Variants in MYOF observed in about 807,000 individuals in gnomAD.
MYOF encodes myoferlin.
MYOF carries 244 observed loss-of-function variants against 284.2 expected under a neutral mutation model. The observed-to-expected ratio is 0.86, with a 90% confidence interval of 0.77 to 0.95. MYOF has a LOEUF of 0.95. Among genes scored for constraint, MYOF ranks in the 40% least tolerant of loss-of-function variants. MYOF has a pLI of 0.00. For missense variants in MYOF, 2,496 were observed against 2,560.6 expected (o/e 0.97, Z 0.54); for synonymous variants, 904 against 919.7 (o/e 0.98, Z 0.31).
At chr10:93,468,311 T>G (rs2057057323) in intron 1 of MYOF, among the ~76,000 whole-genome samples, 1 of 152,202 alleles carries the variant, frequency 6.6e-6, no homozygotes, top group Admixed American at 6.5e-5. Flanking sequence ...GGGCCTACAG[T>G]GCCTCTTAAG....
intron 3 of MYOF, among the ~76,000 whole-genome samples, chr10:93,446,600 G>A (rs1470474917): frequency 6.6e-6 from 1 of 152,054 alleles, no homozygotes; most frequent in Non-Finnish European, 1.5e-5. Flanking sequence ...ATGTCAGGGG[G>A]ATGGAAGATG....
intron 39 of MYOF, chr10:93,338,590 G>A (rs2133837204): frequency 2.2e-6 from 1 of 445,164 alleles, no homozygotes; most frequent in South Asian, 1.6e-5. Flanking sequence ...AAAGAGCTTT[G>A]AAAATTATAA....
At chr10:93,464,758 C>T (rs2056964924) in intron 1 of MYOF, among the ~76,000 whole-genome samples, 2 of 152,042 alleles carry the variant, frequency 1.3e-5, no homozygotes, top group African/African-American at 4.8e-5. Flanking sequence ...TCTGAAATGG[C>T]CTCAGGAAAA....
At chr10:93,454,486 A>G (rs966016801) in intron 2 of MYOF, among the ~76,000 whole-genome samples, 2 of 152,068 alleles carry the variant, frequency 1.3e-5, no homozygotes, top group South Asian at 2.1e-4. Flanking sequence ...AGTAGGAAGC[A>G]CTCTCACATA....
At chr10:93,319,019 A>G (rs35405696) in intron 49 of MYOF, among the ~76,000 whole-genome samples, 40,941 of 152,016 alleles carry the variant, frequency 0.27, 6,065 homozygotes, top group Non-Finnish European at 0.34. Flanking sequence ...TTTTCCCCAA[A>G]TTTTAGAGAA....
At chr10:93,369,552 T>C (rs1589452920) in intron 25 of MYOF, 93 bp downstream of exon 25, 14 of 1,547,356 alleles carry the variant, frequency 9.0e-6, no homozygotes, top group Non-Finnish European at 1.2e-5. Context: ...GCTGTGGTTG[T>C]TTTTGGTATG....
rs547232413 is a variant in MYOF at position 93,434,219 on chromosome 10, C to A, written c.237-2703G>T. On this transcript the variant is annotated intron_variant, in intron 3 of 53. Coordinates refer to ENST00000359263, the MANE Select transcript of MYOF (RefSeq NM_013451.4). ...GCCAAGGTGGGTGGATCACTTGAGG[C>A]CAGGAGTTCAAGACCAGCCTGGCCA... Among the ~76,000 whole-genome samples the A allele has an allele frequency of 1.1e-4, 16 of 152,010 alleles. No homozygotes were observed. In the East Asian group the frequency reaches 2.7e-3, roughly 26 times the overall value.
At chr10:93,389,334 A>T (rs1206402815) in intron 17 of MYOF, among the ~76,000 whole-genome samples, 180 bp from the exon 18 acceptor site, 2 of 152,234 alleles carry the variant, frequency 1.3e-5, no homozygotes, top group Non-Finnish European at 2.9e-5. Flanking sequence ...TGCTACATAA[A>T]ATATTAAATA....
At chr10:93,338,019 C>G (rs548853737) in intron 39 of MYOF, 106 bp from the exon 40 acceptor site, 7 of 810,558 alleles carry the variant, frequency 8.6e-6, no homozygotes, top group African/African-American at 6.9e-5. Flanking sequence ...TCTTCTGACC[C>G]TGTTAAAAGT....
At chr10:93,479,525 G>A (rs538956558) in intron 1 of MYOF, among the ~76,000 whole-genome samples, 5 of 152,268 alleles carry the variant, frequency 3.3e-5, no homozygotes, top group Non-Finnish European at 7.3e-5. Flanking sequence ...AGAGTGCTGT[G>A]TTTGTTGCTA....
chr10:93,456,930 T>C lies in MYOF; in HGVS notation c.96A>G (p.Lys32=). ...CATTATCAACTTTCTTTGTTTTCTT[T>C]TTCTCATCTGCAAAAGAGATAAAGG... The part of the protein sequence containing the change: ...PIVSVIFKDE[K]KKTKKVDNEL... Residue 32 remains lysine, a synonymous_variant, in exon 2 of 54, where the codon AAA becomes AAG. Transcript: ENST00000359263. The C allele has an allele frequency of 6.2e-7, 1 of 1,606,536 alleles. No homozygotes were observed. Among genetic ancestry groups the C allele is most frequent in the Non-Finnish European group, 8.5e-7 (1 of 1,177,610 alleles).
chr10:93,377,362 A>G lies in MYOF; in HGVS notation c.2069T>C (p.Leu690Ser). The change falls in exon 22 of 54, where the codon TTG becomes TCG. Residue 690 changes from leucine (L) to serine (S), a missense_variant. Physicochemically the swap from Leu to Ser is moderately radical, Grantham distance 145. Coordinates refer to ENST00000359263, the MANE Select transcript of MYOF (RefSeq NM_013451.4). ...AACTTCATCTATCAGCTTCAGCCAC[A>G]ATTCAGCCAGCTGGTTTGCAGGAAT... ...GKIPANQLAE[L>S]WLKLIDEVIE... The G allele has an allele frequency of 6.2e-7, 1 of 1,614,128 alleles. No individual in the cohort carries two copies.
chr10:93,462,408 C>A (rs1366733549), intron 1 of MYOF, among the ~76,000 whole-genome samples: 2 of 152,228 alleles, frequency 1.3e-5, no homozygotes, highest in African/African-American at 4.8e-5. Flanking sequence ...TTGAATCCTC[C>A]TGGCAAGCCT....
intron 1 of MYOF, among the ~76,000 whole-genome samples, chr10:93,475,918 T>C (rs545435145): frequency 1.3e-5 from 2 of 152,190 alleles, no homozygotes; most frequent in South Asian, 4.1e-4. Context: ...CTTTGGGGAG[T>C]GTACCTTTGA....
chr10:93,430,089 C>G (rs1446302738), intron 4 of MYOF, among the ~76,000 whole-genome samples: 1 of 151,760 alleles, frequency 6.6e-6, no homozygotes, highest in Non-Finnish European at 1.5e-5. Context: ...CACGTGCCAC[C>G]ATGCCTGGCT....
chr10:93,379,975 T>C lies in MYOF; in HGVS notation c.1889A>G (p.Tyr630Cys). ...CTTGGTGTGGGCCCAAGGCAAGTAATAATAGTAGTTGCCTGGTATAAAACA... is the reference window on the plus strand; with the variant it reads ...CTTGGTGTGGGCCCAAGGCAAGTAACAATAGTAGTTGCCTGGTATAAAACA... ...SRAVFDGNYYYYLPWAHTKPV... is the reference protein window; with the variant it reads ...SRAVFDGNYYCYLPWAHTKPV... Residue 630 changes from tyrosine to cysteine, a missense_variant, in exon 21 of 54, where the codon TAT becomes TGT. Tyr to Cys is a radical substitution (Grantham distance 194). Transcript: ENST00000359263. 1.9e-6 allele frequency: 3 copies of C among 1,613,784 alleles called. No homozygotes were observed. The highest frequency in any genetic ancestry group is 2.5e-6 in the Non-Finnish European group (3 of 1,179,772).
intron 3 of MYOF, among the ~76,000 whole-genome samples, chr10:93,448,173 C>CTA (rs1166545617): frequency 6.6e-6 from 1 of 152,188 alleles, no homozygotes; most frequent in Non-Finnish European, 1.5e-5. Flanking sequence ...TTTGCACTTG[C>CTA]TATTCTCTGC....
chr10:93,480,036 A>G (rs1469812044), intron 1 of MYOF, among the ~76,000 whole-genome samples: 1 of 152,234 alleles, frequency 6.6e-6, no homozygotes, highest in African/African-American at 2.4e-5. Flanking sequence ...TCTATAATCT[A>G]TAATACTTAA....
At chr10:93,387,707 T>C in intron 19 of MYOF, 90 bp downstream of exon 19, 2 of 964,788 alleles carry the variant, frequency 2.1e-6, no homozygotes, top group African/African-American at 1.6e-5. Context: ...TCATTGTGAG[T>C]TGGGTTGCCT....
Sources: allele counts gnomAD v4.1 joint callset (sites outside exome capture counted in the v4.1 genomes callset), GRCh38; gene constraint gnomAD v4.1.1; transcripts MANE v1.5; gene names NCBI Gene and HGNC (gene_info 2026-07-23, HGNC 2026-07-21).